The following DACH2 variants were observed in gnomAD, a reference collection of about 807,000 sequenced individuals.
DACH2 encodes the protein dachshund family transcription factor 2.
A neutral mutation model predicts 35.8 loss-of-function variants in DACH2; 17 were observed. The ratio of observed to expected loss-of-function variants is 0.48; its 90% CI spans 0.33 to 0.71. DACH2 has a LOEUF of 0.71. Among genes scored for constraint, DACH2 ranks in the 30% least tolerant of loss-of-function variants. The probability of loss-of-function intolerance (pLI) is 0.02; values close to 1 mark genes in which losing one functional copy is unlikely to be tolerated. For missense variants in DACH2, 469 were observed against 472.7 expected, an observed-to-expected ratio of 0.99 and a Z score of 0.07; for synonymous variants, 195 against 177.3, an observed-to-expected ratio of 1.10 and a Z score of -0.79.
Position 86,714,072 on chromosome X carries a change from T to C in DACH2, c.932-476T>C, listed in dbSNP as rs2041308606. On this transcript the variant is annotated intron_variant, in intron 5 of 11. Transcript: ENST00000373125. The stretch of plus-strand genomic sequence containing the variant: ...AAAGGGTATAACATACTCCAAGTCT[T>C]GTTTTCTTCTACAGTTCTGAAGCTT... Among the ~76,000 whole-genome samples the C allele has an allele frequency of 2.7e-5, 3 of 111,882 alleles. No individual in the cohort carries two copies. In the Admixed American group the frequency reaches 2.9e-4, roughly 11 times the overall value.
intron 2 of DACH2, among the ~76,000 whole-genome samples, chrX:86,426,190 A>T (rs770525153): frequency 4.0e-4 from 44 of 111,374 alleles, no homozygotes; most frequent in Non-Finnish European, 7.8e-4. Flanking sequence ...AATGTTTATC[A>T]TAGTATTAAA....
rs866546140 is a variant in DACH2 at position 86,436,381 on chromosome X, T to G, written c.527+59519T>G. The stretch of plus-strand genomic sequence containing the variant: ...GGTGATATATGTATATATATATATA[T>G]ATAGAGAGAGAGAGAGTAATACATC... On this transcript the variant is annotated intron_variant, in intron 2 of 11. Transcript: ENST00000373125. Among the ~76,000 whole-genome samples the G allele has an allele frequency of 8.3e-3, 578 of 69,810 alleles. 3 individuals are homozygous for G. Among genetic ancestry groups the G allele is most frequent in the African/African-American group, 0.022 (459 of 21,290 alleles). 60.6% of individuals were successfully genotyped at this position (69,810 alleles called of 115,157 possible). A position where few individuals can be genotyped will look rare whatever the true frequency, so the allele number is the denominator to read the frequency against.
At chrX:86,343,177 A>AC (rs759814128) in intron 1 of DACH2, among the ~76,000 whole-genome samples, 1 of 111,560 alleles carries the variant, frequency 9.0e-6, no homozygotes, top group Non-Finnish European at 1.9e-5. Flanking sequence ...TGCCTGTACT[A>AC]CTGTTGAATT....
intron 3 of DACH2, among the ~76,000 whole-genome samples, chrX:86,569,149 T>A (rs1409337048): frequency 9.0e-6 from 1 of 111,449 alleles, no homozygotes; most frequent in East Asian, 2.9e-4. Context: ...CAAACTCTTG[T>A]CTTCCTTACT....
chrX:86,671,361 A>T (rs2040762412), intron 4 of DACH2, among the ~76,000 whole-genome samples: 1 of 112,092 alleles, frequency 8.9e-6, no homozygotes, highest in African/African-American at 3.2e-5. Context: ...AGTGTTATAG[A>T]GGCTGGTATG....
intron 2 of DACH2, among the ~76,000 whole-genome samples, chrX:86,401,746 A>G (rs780985692): frequency 2.9e-4 from 32 of 110,235 alleles, no homozygotes; most frequent in African/African-American, 8.6e-4. Context: ...AAAAAACTTC[A>G]GATTAATGCC....
chrX:86,510,624 T>C (rs2038383372), intron 2 of DACH2, among the ~76,000 whole-genome samples: 1 of 111,734 alleles, frequency 8.9e-6, no homozygotes, highest in African/African-American at 3.3e-5. Context: ...TTATTTAGTG[T>C]AATTTCCCTT....
At chrX:86,602,058 G>A (rs1052179730) in intron 3 of DACH2, among the ~76,000 whole-genome samples, 18 of 112,023 alleles carry the variant, frequency 1.6e-4, no homozygotes, top group African/African-American at 5.8e-4. Context: ...AGCAACTACT[G>A]ATCTGTTTTG....
intron 2 of DACH2, among the ~76,000 whole-genome samples, chrX:86,377,955 A>T (rs970274917): frequency 9.0e-6 from 1 of 110,639 alleles, no homozygotes; most frequent in Non-Finnish European, 1.9e-5. Flanking sequence ...TTAGACAATG[A>T]TATCAATGCT....
intron 2 of DACH2, among the ~76,000 whole-genome samples, chrX:86,457,154 C>T (rs1211913295): frequency 9.0e-6 from 1 of 111,147 alleles, no homozygotes; most frequent in Non-Finnish European, 1.9e-5. Context: ...GTCTCACTAA[C>T]TTGATGAGAA....
At chrX:86,566,055 G>C (rs2039288771) in intron 3 of DACH2, among the ~76,000 whole-genome samples, 1 of 111,737 alleles carries the variant, frequency 8.9e-6, no homozygotes, top group Non-Finnish European at 1.9e-5. Context: ...AAATGCAATA[G>C]CATATGTTGT....
intron 3 of DACH2, among the ~76,000 whole-genome samples, chrX:86,546,357 C>CTCTTCTTCTTCTTCT (rs1195943792): frequency 0.11 from 5,376 of 49,979 alleles, 504 homozygotes; most frequent in South Asian, 0.18. Flanking sequence ...CTTCTTCTTC[C>CTCTTCTTCTTCTTCT]TCTTCTTCTT....
At chrX:86,693,910 C>G (rs2041037112) in intron 4 of DACH2, among the ~76,000 whole-genome samples, 1 of 111,232 alleles carries the variant, frequency 9.0e-6, no homozygotes, top group Admixed American at 9.5e-5. Context: ...TCCATATGAA[C>G]AAAGTGTGGG....
At chrX:86,222,248 AATATT>A (rs1396465002) in intron 1 of DACH2, among the ~76,000 whole-genome samples, 1 of 112,276 alleles carries the variant, frequency 8.9e-6, no homozygotes, top group Non-Finnish European at 1.9e-5. Context: ...AATCCACTCA[AATATT>A]AGCAGGATGG....
intron 1 of DACH2, among the ~76,000 whole-genome samples, chrX:86,272,199 AGTGTGT>A (rs139733313): frequency 9.0e-5 from 9 of 100,481 alleles, no homozygotes; most frequent in Admixed American, 2.2e-4. Context: ...TTCCTTTGAG[AGTGTGT>A]GTGTGTGTGT....
In DACH2 at chrX:86,726,903, G is replaced by C. The variant is rs1454165665; in HGVS notation, c.1104+12183G>C. Among the ~76,000 whole-genome samples, 3 of 111,785 alleles carry C rather than the reference G, an allele frequency of 2.7e-5. No individual in the cohort carries two copies. The East Asian group carries it at 8.5e-4, about 32-fold the overall frequency. On this transcript the variant is annotated intron_variant, in intron 6 of 11. Transcript: ENST00000373125. Reference sequence around the variant, plus strand: ...CAAACCCTCTCATTACTTGTTTTTGGGGTTTCCATCAGTCTCTGCTGAATT... The same window carrying C: ...CAAACCCTCTCATTACTTGTTTTTGCGGTTTCCATCAGTCTCTGCTGAATT...
chrX:86,345,370 A>G, intron 1 of DACH2: 1 of 277,453 alleles, frequency 3.6e-6, no homozygotes, highest in Non-Finnish European at 6.8e-6. Context: ...CTCTCCATCA[A>G]TAGATTTCCT....
intron 3 of DACH2, among the ~76,000 whole-genome samples, chrX:86,590,691 A>G (rs1405952456): frequency 8.9e-6 from 1 of 111,859 alleles, no homozygotes; most frequent in Non-Finnish European, 1.9e-5. Context: ...AGCTGTGAAT[A>G]TGAATTCTGG....
Position 86,191,339 on chromosome X carries a change from A to T in DACH2, c.488+42231A>T, listed in dbSNP as rs764459888. On this transcript the variant is annotated intron_variant, in intron 1 of 11. Coordinates refer to ENST00000373125, the MANE Select transcript of DACH2 (RefSeq NM_053281.3). ...CATGTCCTTTGCAGCAACATGATGA[A>T]GCTGGAGGCCATTAATCTATTAGAA... 8.0e-5 allele frequency among the ~76,000 whole-genome samples: 9 copies of T among 111,946 alleles called. No individual in the cohort carries two copies. In the South Asian group the frequency reaches 2.2e-3, roughly 28 times the overall value.
Sources: gnomAD v4.1 joint callset for allele counts (sites outside exome capture counted in the v4.1 genomes callset) on GRCh38, gnomAD v4.1.1 for gene constraint, MANE v1.5 for transcripts, NCBI Gene and HGNC (gene_info 2026-07-23, HGNC 2026-07-21) for gene names.